Variants in ANKRD30B observed in about 807,000 individuals in gnomAD.
ANKRD30B encodes the protein ankyrin repeat domain 30B, also known as ankyrin repeat domain-containing protein 30B.
In ANKRD30B, 144 loss-of-function variants were observed where a neutral mutation model predicts 202.2. That is an observed-to-expected ratio of 0.71 (90% CI 0.62 to 0.82). The LOEUF is 0.82. Among genes scored for constraint, ANKRD30B ranks in the 40% least tolerant of loss-of-function variants. The probability of loss-of-function intolerance (pLI) is 0.00; values close to 1 mark genes in which losing one functional copy is unlikely to be tolerated. For synonymous variants in ANKRD30B, 508 were observed against 561.3 expected (o/e 0.91, Z 1.34); for missense variants, 1,487 against 1,669.1 (o/e 0.89, Z 1.90).
intron 1 of ANKRD30B, among the ~76,000 whole-genome samples, chr18:14,749,441 G>A (rs1180162470): frequency 6.6e-6 from 1 of 152,098 alleles, no homozygotes; most frequent in Non-Finnish European, 1.5e-5. Flanking sequence ...GGCGGCCGAG[G>A]CGGGTGGATC....
At chr18:14,893,838 A>G in the ANKRD30B span, among the ~76,000 whole-genome samples, 1 of 150,954 alleles carries the variant, frequency 6.6e-6, no homozygotes, top group Admixed American at 6.6e-5. Flanking sequence ...TGCTTAAGAG[A>G]AGTTTGTTCA....
intron 18 of ANKRD30B, among the ~76,000 whole-genome samples, chr18:14,797,105 C>A (rs1199442904): frequency 6.6e-6 from 1 of 152,014 alleles, no homozygotes; most frequent in Non-Finnish European, 1.5e-5. Context: ...ACTGGGTAGA[C>A]CAGAAATTCT....
chr18:14,935,676 G>A, the ANKRD30B span, among the ~76,000 whole-genome samples: 9 of 152,324 alleles, frequency 5.9e-5, no homozygotes, highest in East Asian at 3.9e-4. Context: ...GCTTGCATAC[G>A]TGTGTGCATG....
intron 32 of ANKRD30B, among the ~76,000 whole-genome samples, chr18:14,827,777 T>A (rs1261084564): frequency 6.6e-6 from 1 of 152,226 alleles, no homozygotes; most frequent in Non-Finnish European, 1.5e-5. Flanking sequence ...TACAGTTTTC[T>A]GTCAGTCTTA....
the ANKRD30B span, among the ~76,000 whole-genome samples, chr18:14,893,891 A>G: frequency 6.6e-6 from 1 of 150,966 alleles, no homozygotes; most frequent in Non-Finnish European, 1.5e-5. Flanking sequence ...GATTTAAAGC[A>G]TATTACATAG....
intron 30 of ANKRD30B, among the ~76,000 whole-genome samples, chr18:14,821,465 T>A (rs2144114093): frequency 6.6e-6 from 1 of 152,176 alleles, no homozygotes. Context: ...TAGGGTGTTT[T>A]TTCTTTTGTT....
chr18:14,855,709 C>T (rs545801287), downstream of ANKRD30B, among the ~76,000 whole-genome samples: 2,265 of 143,908 alleles, frequency 0.016, 60 homozygotes, highest in African/African-American at 0.056. Context: ...CCAGACGGGG[C>T]GGCTGGGCAG....
the ANKRD30B span, among the ~76,000 whole-genome samples, chr18:14,913,591 G>A: frequency 6.6e-6 from 1 of 152,154 alleles, no homozygotes; most frequent in East Asian, 1.9e-4. Context: ...TCAGTTAGAG[G>A]CTTATTACGT....
intron 30 of ANKRD30B, among the ~76,000 whole-genome samples, chr18:14,815,728 G>T (rs1239237085): frequency 6.6e-6 from 1 of 152,100 alleles, no homozygotes; most frequent in South Asian, 2.1e-4. Context: ...TTTTAACATA[G>T]AAAATGTTAT....
chr18:14,808,846 G>C, intron 26 of ANKRD30B, 102 bp downstream of exon 26: 1 of 1,190,652 alleles, frequency 8.4e-7, no homozygotes, highest in Non-Finnish European at 1.2e-6. Flanking sequence ...TAGAAAATTT[G>C]GTGGGAAAAT....
At chr18:14,908,103 T>A in the ANKRD30B span, among the ~76,000 whole-genome samples, 1 of 152,156 alleles carries the variant, frequency 6.6e-6, no homozygotes. Context: ...AAAACAGGTA[T>A]GTTGGCAAGA....
chr18:14,779,727 A>G (rs759724256), intron 10 of ANKRD30B, among the ~76,000 whole-genome samples: 1 of 144,080 alleles, frequency 6.9e-6, no homozygotes, highest in Non-Finnish European at 1.5e-5. Flanking sequence ...AATTAATACA[A>G]ATTAGTCAAT....
At chr18:14,905,478 T>A in the ANKRD30B span, 2 of 152,250 alleles carry the variant, frequency 1.3e-5, no homozygotes, top group Admixed American at 6.5e-5. Flanking sequence ...TAGCTTTGTC[T>A]AAAGACAGTA....
intron 4 of ANKRD30B, among the ~76,000 whole-genome samples, chr18:14,755,598 C>T (rs1349270436): frequency 1.3e-5 from 2 of 152,166 alleles, no homozygotes; most frequent in East Asian, 3.9e-4. Flanking sequence ...GTTCCCCTTC[C>T]TGTGTCCATG....
chr18:14,799,148 T>C lies in ANKRD30B; in HGVS notation c.2058+19T>C, dbSNP rs188372495. The C allele has an allele frequency of 1.4e-3, 2,291 of 1,587,614 alleles. 23 individuals are homozygous for C. Among genetic ancestry groups the C allele is most frequent in the Non-Finnish European group, 1.4e-3 (1,595 of 1,159,288 alleles). ...TCTGAAGGTAATAACTTTTATATTT[T>C]TATCTTGAATATTACCTACATATTT... On this transcript the variant is annotated intron_variant, in intron 21 of 43. Transcript: ENST00000690538.
the ANKRD30B span, among the ~76,000 whole-genome samples, chr18:14,894,024 G>T: frequency 2.0e-5 from 3 of 151,824 alleles, no homozygotes; most frequent in Admixed American, 6.6e-5. Context: ...AATATGTCAA[G>T]CACATTGACC....
In ANKRD30B at chr18:14,791,511, TA is replaced by T. The variant is rs774722519; in HGVS notation, c.1825+25del. On this transcript the variant is annotated intron_variant, in intron 16 of 43. Transcript: ENST00000690538. ...TAGAAGGTAAGAACCATTTTTTAAT[TA>T]AAAAGTCATTTGACCAAATATTTAT... is the stretch of plus-strand genomic sequence containing the variant. The T allele has an allele frequency of 2.5e-6, 4 of 1,575,238 alleles. No individual in the cohort carries two copies. Among genetic ancestry groups the T allele is most frequent in the Non-Finnish European group, 3.5e-6 (4 of 1,154,970 alleles).
intron 36 of ANKRD30B, among the ~76,000 whole-genome samples, chr18:14,839,184 A>G (rs559047629): frequency 1.6e-4 from 25 of 152,370 alleles, no homozygotes; most frequent in African/African-American, 4.3e-4. Context: ...GAAGAGAATA[A>G]CAAATGAAAA....
chr18:14,777,496 C>A (rs1478524153), intron 9 of ANKRD30B, among the ~76,000 whole-genome samples: 2 of 151,822 alleles, frequency 1.3e-5, no homozygotes, highest in South Asian at 2.1e-4. Flanking sequence ...CGGGGTTTCA[C>A]CAAGTTGGCC....
Sources: allele counts gnomAD v4.1 joint callset (sites outside exome capture counted in the v4.1 genomes callset), GRCh38; gene constraint gnomAD v4.1.1; transcripts MANE v1.5; gene names NCBI Gene and HGNC (gene_info 2026-07-23, HGNC 2026-07-21).